KIF13B: variants seen among roughly 807,000 people sequenced by gnomAD.
KIF13B encodes kinesin family member 13B.
Under a neutral mutation model 222.0 loss-of-function variants are expected in KIF13B, and 127 were observed. The observed-to-expected ratio is 0.57, with a 90% CI of 0.50 to 0.66. The LOEUF (loss-of-function observed/expected upper bound fraction) is 0.66. KIF13B is among the 30% of genes least tolerant of loss of function. The pLI is 0.00. For missense variants in KIF13B, 2,173 were observed against 2,379.0 expected, an observed-to-expected ratio of 0.91 and a Z score of 1.80; for synonymous variants, 976 against 919.0, an observed-to-expected ratio of 1.06 and a Z score of -1.12.
intron 31 of KIF13B, 69 bp downstream of exon 31, chr8:29,116,750 GAAGGTTAACAGC>G: frequency 7.5e-7 from 1 of 1,337,450 alleles, no homozygotes; most frequent in South Asian, 1.4e-5. Context: ...TGTTTGGACA[GAAGGTTAACAGC>G]AAGCACTGCA....
intron 37 of KIF13B, among the ~76,000 whole-genome samples, chr8:29,075,703 T>C (rs1411675445): frequency 6.6e-6 from 1 of 152,154 alleles, no homozygotes; most frequent in African/African-American, 2.4e-5. Flanking sequence ...GTGAAAGCCA[T>C]GCCAGGCTCT....
chr8:29,163,589 A>C (rs1163493768), intron 12 of KIF13B, among the ~76,000 whole-genome samples: 1 of 152,244 alleles, frequency 6.6e-6, no homozygotes, highest in Non-Finnish European at 1.5e-5. Flanking sequence ...TGTCAGAAAT[A>C]GATTTTGAAA....
At chr8:29,193,597 T>C (rs1813284789) in intron 3 of KIF13B, among the ~76,000 whole-genome samples, 1 of 152,236 alleles carries the variant, frequency 6.6e-6, no homozygotes, top group Non-Finnish European at 1.5e-5. Flanking sequence ...CCCTATCACA[T>C]GTGTATACAG....
Position 29,092,841 on chromosome 8 carries a change from G to A in KIF13B, c.4362C>T (p.Val1454=), listed in dbSNP as rs918885514. 3.1e-6 allele frequency: 5 copies of A among 1,612,336 alleles called. No individual in the cohort carries two copies. Among genetic ancestry groups the A allele is most frequent in the Non-Finnish European group, 2.5e-6 (3 of 1,179,294 alleles). ...TTGGCATTTGCGGCACGAAGGATTT[G>A]ACAGGATTCAAGTAGGATGCTGCAA... ...SNLAASYLNP[V]KSFVPQMPKL... Residue 1454 remains valine (V), a synonymous_variant, in exon 37 of 40, where the codon GTC becomes GTT. Coordinates refer to ENST00000524189, the MANE Select transcript of KIF13B (RefSeq NM_015254.4).
chr8:29,123,367 A>G lies in KIF13B; in HGVS notation c.3478T>C (p.Trp1160Arg). 6.2e-7 allele frequency: 1 copy of G among 1,613,830 alleles called. No individual in the cohort carries two copies. The highest frequency in any genetic ancestry group is 8.5e-7 in the Non-Finnish European group (1 of 1,179,888). ...CAAGACGCACCACAGGGTTCATACCATTCTGCTGGGGCCCCTGGAATACCA... is the reference window on the plus strand; with the variant it reads ...CAAGACGCACCACAGGGTTCATACCGTTCTGCTGGGGCCCCTGGAATACCA... Reference protein sequence around the residue: ...GSGIPGAPAEWTPVPGMETHI... With the variant: ...GSGIPGAPAERTPVPGMETHI... The change falls in exon 28 of 40, where the codon TGG (tryptophan) becomes CGG (arginine). Residue 1160 changes from tryptophan (W) to arginine (R), a missense_variant and splice_region_variant. This residue lies in a region of KIF13B where 1,480 missense variants were observed against 1,722.8 expected (regional missense o/e 0.86). Coordinates refer to ENST00000524189, the MANE Select transcript of KIF13B (RefSeq NM_015254.4).
At chr8:29,150,152 CAT>C (rs951592697) in intron 15 of KIF13B, 143 bp downstream of exon 15, 5 of 567,500 alleles carry the variant, frequency 8.8e-6, no homozygotes, top group Non-Finnish European at 1.6e-5. Context: ...CACACACACA[CAT>C]ATATAATACA....
intron 28 of KIF13B, 144 bp downstream of exon 28, chr8:29,123,222 A>T: frequency 2.2e-6 from 2 of 927,630 alleles, no homozygotes; most frequent in South Asian, 2.0e-5. Flanking sequence ...TCATGAAAAT[A>T]ATTTAACAGT....
intron 24 of KIF13B, 66 bp from the exon 25 acceptor site, chr8:29,127,334 G>C: frequency 7.1e-7 from 1 of 1,401,202 alleles, no homozygotes; most frequent in Non-Finnish European, 9.9e-7. Flanking sequence ...GATTTAGAGA[G>C]ACCCCTACAG....
At chr8:29,113,683 C>A (rs1183051303) in intron 31 of KIF13B, 128 bp from the exon 32 acceptor site, 15 of 670,156 alleles carry the variant, frequency 2.2e-5, no homozygotes, top group Non-Finnish European at 3.1e-5. Flanking sequence ...CCAACATAAG[C>A]AAGTGAAATC....
chr8:29,228,633 C>A (rs1460738832), intron 2 of KIF13B, among the ~76,000 whole-genome samples: 1 of 151,852 alleles, frequency 6.6e-6, no homozygotes, highest in African/African-American at 2.4e-5. Flanking sequence ...GTACCTGAAT[C>A]CTGCTACATC....
chr8:29,149,862 T>C (rs1050942879), intron 15 of KIF13B, among the ~76,000 whole-genome samples: 4 of 152,050 alleles, frequency 2.6e-5, no homozygotes, highest in Admixed American at 6.6e-5. Context: ...GTCTAACCCA[T>C]TACAGTAAAA....
At chr8:29,133,327 G>A (rs1810426825) in intron 22 of KIF13B, among the ~76,000 whole-genome samples, 1 of 152,208 alleles carries the variant, frequency 6.6e-6, no homozygotes. Context: ...GGTGGCTCAT[G>A]CCTGTAATCC....
chr8:29,135,008 A>C (rs545006371), intron 21 of KIF13B, among the ~76,000 whole-genome samples: 65 of 152,338 alleles, frequency 4.3e-4, no homozygotes, highest in African/African-American at 1.4e-3. Flanking sequence ...GTTTCTAAGC[A>C]GCCAAATATT....
chr8:29,252,721 T>C (rs927665963), intron 1 of KIF13B, among the ~76,000 whole-genome samples: 5 of 152,246 alleles, frequency 3.3e-5, no homozygotes, highest in Admixed American at 1.3e-4. Context: ...ATGATATTTA[T>C]GTAGGAAGGA....
chr8:29,108,426 C>A (rs147999393), intron 34 of KIF13B, among the ~76,000 whole-genome samples: 1 of 152,226 alleles, frequency 6.6e-6, no homozygotes, highest in Non-Finnish European at 1.5e-5. Flanking sequence ...TCAGTTCACA[C>A]TGAGGTCACA....
rs190756118 is a variant in KIF13B, at chr8:29,219,843, G to T, written c.150-23644C>A. 1.1e-4 allele frequency among the ~76,000 whole-genome samples: 17 copies of T among 152,188 alleles called. No individual in the cohort carries two copies. In the East Asian group the frequency reaches 3.3e-3, roughly 29 times the overall value. The stretch of plus-strand genomic sequence containing the variant: ...TGTGGGAGGCCAAGGCAGGCAGATC[G>T]CTTGAACCCAGGAATTCAAGACCAG... On this transcript the variant is annotated intron_variant, in intron 2 of 39. Coordinates refer to ENST00000524189, the MANE Select transcript of KIF13B (RefSeq NM_015254.4).
chr8:29,071,972 AG>A lies in KIF13B; in HGVS notation c.4865del (p.Pro1622LeufsTer7), dbSNP rs1389342697. ...PPTAVPAEEP[P>X]GPQQLVSPGR... is the part of the protein sequence containing the mutation. ...CGGGGCTCACGAGCTGCTGGGGGCCAGGGGGCTCCTCGGCGGGGACGGCCGT... is the reference window on the plus strand; with the variant it reads ...CGGGGCTCACGAGCTGCTGGGGGCCAGGGGCTCCTCGGCGGGGACGGCCGT... On this transcript the variant is annotated frameshift_variant, in exon 39 of 40. Transcript: ENST00000524189. LOFTEE classifies it high-confidence loss of function. This position sits in a 1 kb window ranked among gnomAD's most constrained non-coding sequence, Gnocchi z 4.9. 7.6e-7 allele frequency: 1 copy of A among 1,322,422 alleles called. No individual in the cohort carries two copies. Among genetic ancestry groups the A allele is most frequent in the Non-Finnish European group, 9.6e-7 (1 of 1,040,228 alleles). 81.9% of individuals were successfully genotyped at this position (1,322,422 alleles called of 1,614,324 possible). A position where few individuals can be genotyped will look rare whatever the true frequency, so the allele number is the denominator to read the frequency against.
At chr8:29,159,110 G>C (rs1302300057) in intron 13 of KIF13B, among the ~76,000 whole-genome samples, 1 of 152,128 alleles carries the variant, frequency 6.6e-6, no homozygotes, top group Non-Finnish European at 1.5e-5. Context: ...TCCTAACTCA[G>C]AATGCTACCA....
intron 20 of KIF13B, 35 bp downstream of exon 20, chr8:29,140,433 C>G (rs1253163626): frequency 1.3e-6 from 2 of 1,597,074 alleles, no homozygotes; most frequent in Non-Finnish European, 1.7e-6. Flanking sequence ...TTAAACTATT[C>G]TCTACAGGAA....
Sources: allele counts gnomAD v4.1 joint callset (sites outside exome capture counted in the v4.1 genomes callset), GRCh38; gene constraint gnomAD v4.1.1; regional missense constraint gnomAD v4.1.1; non-coding constraint Gnocchi (gnomAD v3.1); transcripts MANE v1.5; gene names NCBI Gene and HGNC (gene_info 2026-07-23, HGNC 2026-07-21).